FBXL20: variants seen among roughly 807,000 people sequenced by gnomAD.
FBXL20 encodes F-box and leucine rich repeat protein 20, also known as F-box/LRR-repeat protein 20.
In FBXL20, 11 loss-of-function variants were observed where a neutral mutation model predicts 64.0. The ratio of observed to expected loss-of-function variants is 0.17; its 90% CI spans 0.11 to 0.28. The LOEUF is 0.28. FBXL20 is among the 10% of genes least tolerant of loss of function. The pLI is 1.00. For synonymous variants in FBXL20, 184 were observed against 189.0 expected, an observed-to-expected ratio of 0.97 and a Z score of 0.22; for missense variants, 303 against 526.2, an observed-to-expected ratio of 0.58 and a Z score of 4.15.
intron 1 of FBXL20, among the ~76,000 whole-genome samples, chr17:39,377,488 CCTGT>C (rs780240752): frequency 6.6e-6 from 1 of 150,750 alleles, no homozygotes; most frequent in Non-Finnish European, 1.5e-5. Context: ...TATTGCAATT[CCTGT>C]CTTTTTTGTT....
At chr17:39,342,338 G>A (rs1276157552) in intron 2 of FBXL20, among the ~76,000 whole-genome samples, 1 of 151,858 alleles carries the variant, frequency 6.6e-6, no homozygotes, top group Non-Finnish European at 1.5e-5. Context: ...GGCTGATGTG[G>A]GAGGACTGCT....
At chr17:39,309,107 A>G (rs2047209187) in intron 2 of FBXL20, among the ~76,000 whole-genome samples, 1 of 152,170 alleles carries the variant, frequency 6.6e-6, no homozygotes, top group Admixed American at 6.6e-5. Context: ...GCCAATCACT[A>G]TTCTTGTTGC....
At chr17:39,385,385 T>G (rs2048068773) in intron 1 of FBXL20, among the ~76,000 whole-genome samples, 1 of 152,154 alleles carries the variant, frequency 6.6e-6, no homozygotes, top group African/African-American at 2.4e-5. Context: ...AAGAAAGACT[T>G]ACTTTTTAAC....
In FBXL20 at chr17:39,277,777, TA is replaced by T. The variant is rs1237977294; in HGVS notation, c.697-2678del. On this transcript the variant is annotated intron_variant, in intron 9 of 14. Coordinates refer to ENST00000264658, the MANE Select transcript of FBXL20 (RefSeq NM_032875.3). ...CTCAAAAAAAAAAAAAAAAAAAAAG[TA>T]AAATTTACTAAACTTTTATGTTTTT... Among the ~76,000 whole-genome samples the T allele has an allele frequency of 1.4e-4, 18 of 124,634 alleles. 1 individual carries two copies. The highest frequency in any genetic ancestry group is 5.1e-4 in the African/African-American group (18 of 35,084). The allele number at this position is 124,634 out of a possible 152,430, so 81.8% of individuals were successfully genotyped here. A position where few individuals can be genotyped will look rare whatever the true frequency, so the allele number is the denominator to read the frequency against.
chr17:39,253,522 C>G lies in FBXL20; in HGVS notation c.*7938G>C, dbSNP rs1414652986. On this transcript the variant is annotated 3_prime_UTR_variant, in exon 15 of 15. Transcript: ENST00000264658. The stretch of plus-strand genomic sequence containing the variant: ...TGGGTAGTCACAGATACTCAGGGCT[C>G]CAAGAGCCACACCATGGTGAGAAAG... 1 of 152,302 alleles carries G rather than the reference C, an allele frequency of 6.6e-6. No individual in the cohort carries two copies. Among genetic ancestry groups the G allele is most frequent in the Non-Finnish European group, 1.5e-5 (1 of 68,042 alleles). The allele number at this position is 152,302 out of a possible 1,614,324, so 9.4% of individuals were successfully genotyped here.
chr17:39,357,725 C>T (rs916222609), intron 1 of FBXL20, among the ~76,000 whole-genome samples: 2 of 152,160 alleles, frequency 1.3e-5, no homozygotes, highest in African/African-American at 4.8e-5. Context: ...GCCTTTAATT[C>T]AGTCAAGATA....
intron 1 of FBXL20, among the ~76,000 whole-genome samples, chr17:39,398,665 C>T (rs1270463231): frequency 6.6e-6 from 1 of 151,510 alleles, no homozygotes; most frequent in Non-Finnish European, 1.5e-5. Context: ...AGGTACTCAC[C>T]CTCGTTGTTT....
Position 39,259,961 on chromosome 17 carries a change from G to C in FBXL20, c.*1499C>G, listed in dbSNP as rs1358637595. ...ATCGCACCACTGCACTCCAGTCTGGGCAAGAGTGAGAACCCGTCTTAAAAA... is the reference window on the plus strand; with the variant it reads ...ATCGCACCACTGCACTCCAGTCTGGCCAAGAGTGAGAACCCGTCTTAAAAA... On this transcript the variant is annotated 3_prime_UTR_variant, in exon 15 of 15. Transcript: ENST00000264658. The C allele has an allele frequency of 1.4e-5, 2 of 143,808 alleles. No homozygotes were observed. The highest frequency in any genetic ancestry group is 3.0e-5 in the Non-Finnish European group (2 of 66,862). 8.9% of individuals were successfully genotyped at this position (143,808 alleles called of 1,614,324 possible). A position where few individuals can be genotyped will look rare whatever the true frequency, so the allele number is the denominator to read the frequency against.
At chr17:39,385,180 C>A (rs1283323707) in intron 1 of FBXL20, among the ~76,000 whole-genome samples, 1 of 152,088 alleles carries the variant, frequency 6.6e-6, no homozygotes, top group African/African-American at 2.4e-5. Context: ...TATGATGGCG[C>A]CACCGCACTC....
rs2046725440 is a variant in FBXL20, at chr17:39,259,407, A to AC, written c.*2052dup. The AC allele has an allele frequency of 6.6e-6, 1 of 152,148 alleles. No individual in the cohort carries two copies. Among genetic ancestry groups the AC allele is most frequent in the Non-Finnish European group, 1.5e-5 (1 of 67,980 alleles). The allele number at this position is 152,148 out of a possible 1,614,324, so 9.4% of individuals were successfully genotyped here. A position where few individuals can be genotyped will look rare whatever the true frequency, so the allele number is the denominator to read the frequency against. Reference sequence around the variant, plus strand: ...ATTGCACATTAATGTCTCAAAGGACACCCCCCGCCAAAATCACCCTACTAA... The same window carrying AC: ...ATTGCACATTAATGTCTCAAAGGACACCCCCCCGCCAAAATCACCCTACTAA... On this transcript the variant is annotated 3_prime_UTR_variant, in exon 15 of 15. Coordinates refer to ENST00000264658, the MANE Select transcript of FBXL20 (RefSeq NM_032875.3).
At position 39,264,283 on chromosome 17, in the gene FBXL20, T is replaced by C. The variant is rs113979884; in HGVS notation, c.1095A>G (p.Pro365=). ...GCTCCAGGGATGCATCTGTGATTAG[T>C]GGGCAGTTGTCCAGCTCAATCACCT... is the stretch of plus-strand genomic sequence containing the variant. ...QLEVIELDNC[P]LITDASLEHL... Residue 365 remains proline (P), a synonymous_variant, in exon 14 of 15, where the codon CCA becomes CCG. Transcript: ENST00000264658. The C allele has an allele frequency of 8.1e-6, 13 of 1,614,226 alleles. No homozygotes were observed. The African/African-American group carries it at 9.3e-5, about 12-fold the overall frequency.
intron 2 of FBXL20, among the ~76,000 whole-genome samples, chr17:39,334,754 C>A (rs1009065086): frequency 6.6e-6 from 1 of 152,104 alleles, no homozygotes; most frequent in Non-Finnish European, 1.5e-5. Context: ...CAATCTTTAT[C>A]ACTTAATGTC....
At chr17:39,281,149 G>A (rs998097360) in intron 9 of FBXL20, among the ~76,000 whole-genome samples, 5 of 152,058 alleles carry the variant, frequency 3.3e-5, no homozygotes, top group African/African-American at 9.7e-5. Flanking sequence ...AAGGGGTGGA[G>A]CTACAGTTAG....
At chr17:39,316,669 T>G (rs944064577) in intron 2 of FBXL20, among the ~76,000 whole-genome samples, 2 of 152,268 alleles carry the variant, frequency 1.3e-5, no homozygotes, top group East Asian at 3.9e-4. Context: ...CAGACTGATG[T>G]AAATTAATAA....
intron 1 of FBXL20, among the ~76,000 whole-genome samples, chr17:39,374,827 T>TGC (rs2047951680): frequency 6.6e-6 from 1 of 152,038 alleles, no homozygotes. Flanking sequence ...CTCTCTCTCT[T>TGC]GCCAGGCTGG....
Position 39,288,748 on chromosome 17 carries a change from A to T in FBXL20, c.399-3175T>A, listed in dbSNP as rs374465202. On this transcript the variant is annotated intron_variant, in intron 6 of 14. Transcript: ENST00000264658. ...TCCTAAGACACAGTCTTGCTTTGTC[A>T]CCCAGGCTGGAGTGCAGTGGCGCGA... is the stretch of plus-strand genomic sequence containing the variant. Among the ~76,000 whole-genome samples, 16 of 151,492 alleles carry T rather than the reference A, an allele frequency of 1.1e-4. No individual in the cohort carries two copies. The East Asian group carries it at 3.1e-3, about 29-fold the overall frequency.
chr17:39,311,069 A>G (rs1343030029), intron 2 of FBXL20, among the ~76,000 whole-genome samples: 2 of 151,998 alleles, frequency 1.3e-5, no homozygotes, highest in Non-Finnish European at 2.9e-5. Context: ...CCAGAGGCCA[A>G]GGTGGGAGGA....
intron 10 of FBXL20, among the ~76,000 whole-genome samples, chr17:39,272,855 T>C (rs1426537653): frequency 6.6e-6 from 1 of 152,072 alleles, no homozygotes; most frequent in Non-Finnish European, 1.5e-5. Context: ...TAATGAACCA[T>C]ATAGGGAGAT....
chr17:39,388,394 G>A (rs1044351028), intron 1 of FBXL20, among the ~76,000 whole-genome samples: 1 of 151,936 alleles, frequency 6.6e-6, no homozygotes, highest in Non-Finnish European at 1.5e-5. Flanking sequence ...GGCAGGTGGA[G>A]GTTGCAGTGA....
Sources: gnomAD v4.1 joint callset for allele counts (sites outside exome capture counted in the v4.1 genomes callset) on GRCh38, gnomAD v4.1.1 for gene constraint, MANE v1.5 for transcripts, NCBI Gene and HGNC (gene_info 2026-07-23, HGNC 2026-07-21) for gene names.